The following KCNN2 variants were observed in gnomAD, a reference collection of about 807,000 sequenced individuals.
KCNN2 encodes the protein potassium calcium-activated channel subfamily N member 2, also known as small conductance calcium-activated potassium channel protein 2.
Under a neutral mutation model 55.5 loss-of-function variants are expected in KCNN2, and 24 were observed. The observed-to-expected ratio is 0.43, with a 90% CI of 0.31 to 0.61. The LOEUF (loss-of-function observed/expected upper bound fraction) is 0.61. Among genes scored for constraint, KCNN2 ranks in the 20% least tolerant of loss-of-function variants. The probability of loss-of-function intolerance (pLI) is 0.08; values close to 1 mark genes in which losing one functional copy is unlikely to be tolerated. For synonymous variants in KCNN2, 431 were observed against 336.1 expected, an observed-to-expected ratio of 1.28 and a Z score of -3.09; for missense variants, 754 against 853.6, an observed-to-expected ratio of 0.88 and a Z score of 1.45.
intron 1 of KCNN2, among the ~76,000 whole-genome samples, chr5:114,147,896 G>A (rs962692793): frequency 6.6e-6 from 1 of 152,202 alleles, no homozygotes; most frequent in African/African-American, 2.4e-5. Flanking sequence ...TAGGAGCAAT[G>A]TGGAGTCCTG....
At chr5:114,149,914 G>A (rs1580560275) in intron 1 of KCNN2, among the ~76,000 whole-genome samples, 1 of 152,148 alleles carries the variant, frequency 6.6e-6, no homozygotes, top group East Asian at 1.9e-4. Context: ...GGCATTTATA[G>A]CCCTGTCTTA....
intron 3 of KCNN2, 52 bp from the exon 4 acceptor site, chr5:114,462,997 T>TATCA (rs1761277954): frequency 5.2e-6 from 8 of 1,549,480 alleles, no homozygotes; most frequent in Admixed American, 1.8e-5. Flanking sequence ...CACACTTAAC[T>TATCA]ATCATATTGG....
At chr5:114,124,621 G>A (rs1751894508) in intron 1 of KCNN2, among the ~76,000 whole-genome samples, 1 of 152,108 alleles carries the variant, frequency 6.6e-6, no homozygotes, top group Non-Finnish European at 1.5e-5. Context: ...TCTCTCCCTT[G>A]TCTCTGCTCC....
intron 1 of KCNN2, among the ~76,000 whole-genome samples, chr5:114,080,921 C>A (rs1369960250): frequency 1.3e-5 from 2 of 152,016 alleles, no homozygotes; most frequent in African/African-American, 4.8e-5. Flanking sequence ...TGATCTTATA[C>A]TTAGAAAACC....
At chr5:114,227,078 C>T (rs536978439) in intron 2 of KCNN2, among the ~76,000 whole-genome samples, 5 of 151,968 alleles carry the variant, frequency 3.3e-5, no homozygotes, top group Non-Finnish European at 7.4e-5. Context: ...TATTTTAATT[C>T]ACTCGTAATT....
chr5:114,463,295 A>G, intron 4 of KCNN2, 105 bp downstream of exon 4: 1 of 849,764 alleles, frequency 1.2e-6, no homozygotes. Context: ...TTTTCCCATC[A>G]GCAGGAAATC....
intron 1 of KCNN2, among the ~76,000 whole-genome samples, chr5:114,137,423 A>G (rs1752196578): frequency 1.3e-5 from 2 of 152,140 alleles, no homozygotes; most frequent in African/African-American, 4.8e-5. Flanking sequence ...TGCACACATC[A>G]CAGGGGGAGG....
At chr5:114,345,371 T>C (rs1036501336) in intron 2 of KCNN2, among the ~76,000 whole-genome samples, 4 of 152,178 alleles carry the variant, frequency 2.6e-5, no homozygotes, top group Non-Finnish European at 5.9e-5. Context: ...AGAATGGCAA[T>C]GGAGTAGGGA....
intron 3 of KCNN2, among the ~76,000 whole-genome samples, chr5:114,455,209 A>C (rs1351457259): frequency 1.3e-5 from 2 of 152,138 alleles, no homozygotes; most frequent in African/African-American, 4.8e-5. Flanking sequence ...TGCTGCATCG[A>C]GCTAGGCGAT....
chr5:114,401,883 G>A (rs1278262051), intron 2 of KCNN2, among the ~76,000 whole-genome samples: 1 of 152,160 alleles, frequency 6.6e-6, no homozygotes, highest in Non-Finnish European at 1.5e-5. Flanking sequence ...GTGTGCTATG[G>A]GTATAGATTA....
Position 114,493,386 on chromosome 5 carries a change from C to T in KCNN2, c.2019-17C>T, listed in dbSNP as rs762673844. 6.7e-7 allele frequency: 1 copy of T among 1,495,640 alleles called. No individual in the cohort carries two copies. Among genetic ancestry groups the T allele is most frequent in the Non-Finnish European group, 9.3e-7 (1 of 1,071,716 alleles). 92.6% of individuals were successfully genotyped at this position (1,495,640 alleles called of 1,614,324 possible). ...AGGAAGAAGGGAACCTTTCTGATAC[C>T]AGATTCTATCTTTTAGATTAAGAAG... On this transcript the variant is annotated splice_polypyrimidine_tract_variant and intron_variant, in intron 6 of 7. Transcript: ENST00000673685.
At chr5:114,448,967 C>G (rs921318725) in intron 3 of KCNN2, among the ~76,000 whole-genome samples, 1 of 152,174 alleles carries the variant, frequency 6.6e-6, no homozygotes, top group Non-Finnish European at 1.5e-5. Flanking sequence ...GAATACGTGA[C>G]TGATACTAGA....
chr5:114,370,450 A>T (rs1421143296), intron 2 of KCNN2, among the ~76,000 whole-genome samples: 1 of 152,152 alleles, frequency 6.6e-6, no homozygotes, highest in Non-Finnish European at 1.5e-5. Flanking sequence ...GAGAGACAAA[A>T]AATTAATAAT....
intron 1 of KCNN2, among the ~76,000 whole-genome samples, chr5:114,119,347 A>G (rs561338087): frequency 1.3e-5 from 2 of 152,306 alleles, no homozygotes; most frequent in South Asian, 4.1e-4. Flanking sequence ...TTAGGGAAGT[A>G]TTGGGAATGG....
chr5:114,206,717 A>T (rs1327754350), intron 1 of KCNN2, among the ~76,000 whole-genome samples: 1 of 151,202 alleles, frequency 6.6e-6, no homozygotes, highest in African/African-American at 2.4e-5. Context: ...CCTTCCTGAA[A>T]TACCCATCTC....
intron 1 of KCNN2, among the ~76,000 whole-genome samples, chr5:114,074,346 G>C (rs1458878967): frequency 2.0e-5 from 3 of 151,850 alleles, no homozygotes; most frequent in African/African-American, 4.8e-5. Context: ...GCGCGCCAGA[G>C]AGAAAGAGGG....
At chr5:114,215,881 A>G (rs188559658) in intron 1 of KCNN2, among the ~76,000 whole-genome samples, 54 of 152,290 alleles carry the variant, frequency 3.5e-4, no homozygotes, top group Non-Finnish European at 1.5e-4. Context: ...TAGTACCTAG[A>G]ATAAGACTAA....
intron 3 of KCNN2, among the ~76,000 whole-genome samples, chr5:114,445,920 A>C (rs1760387027): frequency 6.6e-6 from 1 of 152,228 alleles, no homozygotes; most frequent in African/African-American, 2.4e-5. Flanking sequence ...TGTTTCCCAC[A>C]GTATGGGCAG....
At chr5:114,290,215 C>T (rs928304685) in intron 2 of KCNN2, among the ~76,000 whole-genome samples, 4 of 152,024 alleles carry the variant, frequency 2.6e-5, no homozygotes, top group Admixed American at 6.6e-5. Context: ...GTGGAATTCA[C>T]GTGAAATCTG....
Sources: gnomAD v4.1 joint callset for allele counts (sites outside exome capture counted in the v4.1 genomes callset) on GRCh38, gnomAD v4.1.1 for gene constraint, MANE v1.5 for transcripts, NCBI Gene and HGNC (gene_info 2026-07-23, HGNC 2026-07-21) for gene names.